TACR1: variants seen among roughly 807,000 people sequenced by gnomAD.
The protein encoded by TACR1 is substance-P receptor.
In TACR1, 25 loss-of-function variants were observed where a neutral mutation model predicts 35.8. The ratio of observed to expected loss-of-function variants is 0.70; its 90% CI spans 0.51 to 0.98. The LOEUF is 0.98. TACR1 is among the 50% of genes least tolerant of loss of function. The pLI is 0.00. For synonymous variants in TACR1, 195 were observed against 206.7 expected, an observed-to-expected ratio of 0.94 and a Z score of 0.48; for missense variants, 478 against 522.9, an observed-to-expected ratio of 0.91 and a Z score of 0.84.
At chr2:75,127,163 C>T (rs950267835) in intron 1 of TACR1, among the ~76,000 whole-genome samples, 1 of 152,154 alleles carries the variant, frequency 6.6e-6, no homozygotes, top group Non-Finnish European at 1.5e-5. Context: ...AGTCTTTTTA[C>T]CTGAGGTCAC....
chr2:75,186,473 A>G (rs1675705741), intron 1 of TACR1, among the ~76,000 whole-genome samples: 3 of 151,430 alleles, frequency 2.0e-5, no homozygotes, highest in Admixed American at 2.0e-4. Context: ...TTGATTTTAC[A>G]TTTATTTTTC....
chr2:75,190,534 G>A (rs1479516958), intron 1 of TACR1, among the ~76,000 whole-genome samples: 2 of 152,206 alleles, frequency 1.3e-5, no homozygotes, highest in East Asian at 1.9e-4. Flanking sequence ...GACAAGAATG[G>A]ACACGTATAA....
At chr2:75,166,694 T>C (rs1675150805) in intron 1 of TACR1, among the ~76,000 whole-genome samples, 1 of 152,184 alleles carries the variant, frequency 6.6e-6, no homozygotes, top group South Asian at 2.1e-4. Flanking sequence ...GGCTAGAGAT[T>C]GTGGGCGGCT....
intron 2 of TACR1, among the ~76,000 whole-genome samples, chr2:75,082,634 A>C (rs1030483350): frequency 1.3e-5 from 2 of 152,046 alleles, no homozygotes; most frequent in African/African-American, 4.8e-5. Context: ...GTGTGAGATG[A>C]TATCTCATTG....
chr2:75,146,542 C>T (rs1260105947), intron 1 of TACR1, among the ~76,000 whole-genome samples: 1 of 152,156 alleles, frequency 6.6e-6, no homozygotes, highest in African/African-American at 2.4e-5. Context: ...TATTTGGCTT[C>T]TAGGAGATTA....
intron 1 of TACR1, among the ~76,000 whole-genome samples, chr2:75,143,596 G>T (rs994435560): frequency 6.6e-6 from 1 of 152,198 alleles, no homozygotes; most frequent in Non-Finnish European, 1.5e-5. Flanking sequence ...AAGCTGCACT[G>T]ATGAGCTATT....
intron 1 of TACR1, among the ~76,000 whole-genome samples, chr2:75,138,055 A>G (rs1674333761): frequency 6.6e-6 from 1 of 152,252 alleles, no homozygotes; most frequent in Non-Finnish European, 1.5e-5. Flanking sequence ...GTGTACTGGG[A>G]AAGATAAACA....
chr2:75,071,456 A>G (rs1469220842), intron 2 of TACR1, among the ~76,000 whole-genome samples: 1 of 152,168 alleles, frequency 6.6e-6, no homozygotes, highest in Non-Finnish European at 1.5e-5. Flanking sequence ...TCCCGCTCTC[A>G]TATCCCAGAG....
Position 75,120,639 on chromosome 2 carries a change from G to A in TACR1, c.519C>T (p.Thr173=). 2 of 1,613,976 alleles carry A rather than the reference G, an allele frequency of 1.2e-6. No individual in the cohort carries two copies. Among genetic ancestry groups the A allele is most frequent in the South Asian group, 1.1e-5 (1 of 91,032 alleles). Residue 173 remains threonine, a synonymous_variant, in exon 2 of 5, where the codon ACC becomes ACT. Transcript: ENST00000305249. ...TCATGCACACGACTCTGCTGGGCAT[G>A]GTCTCTGTGGTTGAGTAGTAGCCCT... The part of the protein sequence containing the change: ...FPQGYYSTTE[T]MPSRVVCMIE...
chr2:75,145,342 C>G (rs999986831), intron 1 of TACR1, among the ~76,000 whole-genome samples: 1 of 151,898 alleles, frequency 6.6e-6, no homozygotes, highest in African/African-American at 2.4e-5. Context: ...ATGGTAATGA[C>G]CATTATTATT....
At chr2:75,070,233 ATGTG>A (rs758460934) in intron 2 of TACR1, among the ~76,000 whole-genome samples, 8 of 90,132 alleles carry the variant, frequency 8.9e-5, no homozygotes, top group African/African-American at 4.9e-4. Flanking sequence ...GTGTGTGTGT[ATGTG>A]TGTGTGTGTG....
chr2:75,062,741 A>G (rs914741352), intron 2 of TACR1, among the ~76,000 whole-genome samples: 1 of 152,236 alleles, frequency 6.6e-6, no homozygotes, highest in Non-Finnish European at 1.5e-5. Context: ...ACACGTGCCA[A>G]TCTGTACCAG....
At chr2:75,189,072 G>A (rs1007134292) in intron 1 of TACR1, 1 of 152,126 alleles carries the variant, frequency 6.6e-6, no homozygotes. Flanking sequence ...CGTTAATCAG[G>A]TAGATAAAGG....
intron 1 of TACR1, among the ~76,000 whole-genome samples, chr2:75,191,736 C>T (rs143830383): frequency 9.5e-4 from 145 of 152,254 alleles, no homozygotes; most frequent in African/African-American, 3.0e-3. Flanking sequence ...GGCACAGCAT[C>T]GTAAGTGTGC....
chr2:75,161,599 C>A (rs1053792041), intron 1 of TACR1, among the ~76,000 whole-genome samples: 1 of 151,500 alleles, frequency 6.6e-6, no homozygotes, highest in Non-Finnish European at 1.5e-5. Flanking sequence ...AGTCATGAGA[C>A]AAAACAAAGT....
At chr2:75,181,619 C>T (rs1376412601) in intron 1 of TACR1, among the ~76,000 whole-genome samples, 2 of 152,140 alleles carry the variant, frequency 1.3e-5, no homozygotes, top group Non-Finnish European at 2.9e-5. Context: ...TCTAGTTGAA[C>T]TCCAGCCTGC....
intron 1 of TACR1, among the ~76,000 whole-genome samples, chr2:75,143,665 G>A (rs143729611): frequency 1.1e-4 from 16 of 152,288 alleles, no homozygotes; most frequent in African/African-American, 3.6e-4. Context: ...TAACTCCAAC[G>A]GTCTCATGAC....
intron 1 of TACR1, among the ~76,000 whole-genome samples, chr2:75,158,885 G>A (rs910708971): frequency 6.6e-6 from 1 of 152,204 alleles, no homozygotes; most frequent in African/African-American, 2.4e-5. Context: ...CAGCTGTGCA[G>A]CTTCCAGCAA....
At chr2:75,089,770 C>T (rs1241153219) in intron 2 of TACR1, among the ~76,000 whole-genome samples, 2 of 152,110 alleles carry the variant, frequency 1.3e-5, no homozygotes, top group African/African-American at 2.4e-5. Context: ...TTAATGTAGA[C>T]ACTGGGAGCA....
Sources: gnomAD v4.1 joint callset for allele counts (sites outside exome capture counted in the v4.1 genomes callset) on GRCh38, gnomAD v4.1.1 for gene constraint, MANE v1.5 for transcripts, NCBI Gene and HGNC (gene_info 2026-07-23, HGNC 2026-07-21) for gene names.